Variants in ELOC observed in about 807,000 individuals in gnomAD.
The protein encoded by ELOC is elongin C.
For synonymous variants in ELOC, 40 were observed against 51.3 expected (o/e 0.78, Z 0.94); for missense variants, 38 against 139.0 (o/e 0.27, Z 3.65).
chr8:73,966,461 T>C (rs12547746), intron 1 of ELOC, among the ~76,000 whole-genome samples: 86,396 of 150,768 alleles, frequency 0.57, 26,211 homozygotes, highest in African/African-American at 0.79. Flanking sequence ...AAGGAACACA[T>C]ACTGAGATAC....
At chr8:73,971,580 C>T (rs1401727953) in intron 1 of ELOC, among the ~76,000 whole-genome samples, 1 of 151,858 alleles carries the variant, frequency 6.6e-6, no homozygotes, top group Admixed American at 6.6e-5. Context: ...CAAGACTGGA[C>T]GGCCAGTAGA....
rs577561082 is a variant in ELOC at position 73,966,480 on chromosome 8, C to A, written c.-51+5597G>T. The stretch of plus-strand genomic sequence containing the variant: ...AACACATACTGAGATACTGACCAAG[C>A]CATGGGTCTTTTTTTTTTTTTTTGA... On this transcript the variant is annotated intron_variant, in intron 1 of 3. Coordinates refer to ENST00000520242, the MANE Select transcript of ELOC (RefSeq NM_005648.4). Among the ~76,000 whole-genome samples the A allele has an allele frequency of 6.7e-5, 9 of 134,448 alleles. No individual in the cohort carries two copies. The East Asian group carries it at 1.6e-3, about 24-fold the overall frequency. The allele number at this position is 134,448 out of a possible 152,430, so 88.2% of individuals were successfully genotyped here.
chr8:73,958,627 A>T (rs193291848), intron 2 of ELOC, among the ~76,000 whole-genome samples: 51 of 152,338 alleles, frequency 3.3e-4, no homozygotes, highest in Admixed American at 1.2e-3. Context: ...TGCCAACCTC[A>T]AAAAAGAAAA....
At chr8:73,971,582 G>A (rs1815406380) in intron 1 of ELOC, among the ~76,000 whole-genome samples, 1 of 151,896 alleles carries the variant, frequency 6.6e-6, no homozygotes, top group Admixed American at 6.6e-5. Flanking sequence ...AGACTGGACG[G>A]CCAGTAGATG....
chr8:73,964,246 C>CAA (rs560289242), intron 1 of ELOC, among the ~76,000 whole-genome samples: 4,262 of 81,916 alleles, frequency 0.052, 199 homozygotes, highest in Admixed American at 0.15. Flanking sequence ...TATAAATGGC[C>CAA]AAAAAAAAAA....
At chr8:73,951,764 C>T (rs1303194876) in intron 3 of ELOC, among the ~76,000 whole-genome samples, 1 of 152,122 alleles carries the variant, frequency 6.6e-6, no homozygotes, top group Non-Finnish European at 1.5e-5. Context: ...AGTTGGAGGC[C>T]TCATACTTTC....
intron 3 of ELOC, among the ~76,000 whole-genome samples, chr8:73,948,712 G>A (rs778491413): frequency 4.3e-4 from 65 of 152,328 alleles, no homozygotes; most frequent in Non-Finnish European, 7.9e-4. Flanking sequence ...AGACCTACTT[G>A]TAGTCTCAGC....
intron 1 of ELOC, among the ~76,000 whole-genome samples, chr8:73,964,210 T>C (rs1345068423): frequency 7.2e-6 from 1 of 138,148 alleles, no homozygotes; most frequent in Non-Finnish European, 1.5e-5. Context: ...TATATTTTGG[T>C]GGGCTACAGT....
intron 3 of ELOC, 125 bp downstream of exon 3, chr8:73,955,786 C>T: frequency 1.7e-6 from 2 of 1,148,484 alleles, no homozygotes; most frequent in Non-Finnish European, 2.5e-6. Flanking sequence ...AGAACAAAAA[C>T]ATAATCATAC....
At position 73,945,829 on chromosome 8, in the gene ELOC, A is replaced by C. The variant is rs1813347475; in HGVS notation, c.*801T>G. The C allele has an allele frequency of 6.6e-6, 1 of 152,232 alleles. No homozygotes were observed. The highest frequency in any genetic ancestry group is 1.9e-4 in the East Asian group (1 of 5,204). 9.4% of individuals were successfully genotyped at this position (152,232 alleles called of 1,614,324 possible). A position where few individuals can be genotyped will look rare whatever the true frequency, so the allele number is the denominator to read the frequency against. On this transcript the variant is annotated 3_prime_UTR_variant, in exon 4 of 4. Transcript: ENST00000520242. The stretch of plus-strand genomic sequence containing the variant: ...ATAAAGTTAATAGTGAGTCTTTTAA[A>C]ATACATTTAAACAACTGGAAGTATA...
At chr8:73,957,614 CA>C (rs1449593045) in intron 2 of ELOC, among the ~76,000 whole-genome samples, 2 of 152,002 alleles carry the variant, frequency 1.3e-5, no homozygotes, top group African/African-American at 2.4e-5. Context: ...CTCCCACTGC[CA>C]AAAATGTTTA....
intron 1 of ELOC, among the ~76,000 whole-genome samples, chr8:73,964,049 C>T (rs541525365): frequency 2.9e-5 from 4 of 138,348 alleles, no homozygotes; most frequent in Non-Finnish European, 4.6e-5. Context: ...GCCAAGACTG[C>T]GCCACTGCAC....
chr8:73,947,328 T>C (rs72661841), intron 3 of ELOC, among the ~76,000 whole-genome samples: 46,365 of 151,720 alleles, frequency 0.31, 7,351 homozygotes, highest in Admixed American at 0.39. Flanking sequence ...GAGATGGGCA[T>C]AGAGGGAAAA....
intron 3 of ELOC, among the ~76,000 whole-genome samples, chr8:73,949,262 T>C (rs1813595915): frequency 6.6e-6 from 1 of 152,182 alleles, no homozygotes; most frequent in Non-Finnish European, 1.5e-5. Context: ...ACTCAGCAAA[T>C]AATTCACAAC....
chr8:73,967,235 C>T (rs559333030), intron 1 of ELOC, among the ~76,000 whole-genome samples: 2 of 152,206 alleles, frequency 1.3e-5, no homozygotes, highest in Non-Finnish European at 2.9e-5. Context: ...ACAACCTCTC[C>T]TCCACCCGTA....
chr8:73,962,577 A>AC (rs573535572), intron 1 of ELOC, among the ~76,000 whole-genome samples: 1 of 51,388 alleles, frequency 1.9e-5, no homozygotes, highest in Non-Finnish European at 6.1e-5. Context: ...AAACAAAACA[A>AC]AAAAAAAAAC....
In ELOC at chr8:73,945,502, C is replaced by G. The variant is rs1008815596; in HGVS notation, c.*1128G>C. On this transcript the variant is annotated 3_prime_UTR_variant, in exon 4 of 4. Coordinates refer to ENST00000520242, the MANE Select transcript of ELOC (RefSeq NM_005648.4). ...CTTTGTTCCACCTCTGAGATAAAGA[C>G]AATACTAAACCCATCTCCAGTGCTT... is the stretch of plus-strand genomic sequence containing the variant. The G allele has an allele frequency of 6.6e-6, 1 of 152,152 alleles. No individual in the cohort carries two copies. Among genetic ancestry groups the G allele is most frequent in the Non-Finnish European group, 1.5e-5 (1 of 68,032 alleles). The allele number at this position is 152,152 out of a possible 1,614,324, so 9.4% of individuals were successfully genotyped here. A position where few individuals can be genotyped will look rare whatever the true frequency, so the allele number is the denominator to read the frequency against.
chr8:73,956,064 AG>A lies in ELOC; in HGVS notation c.5-11del. 6.2e-7 allele frequency: 1 copy of A among 1,607,836 alleles called. No individual in the cohort carries two copies. Among genetic ancestry groups the A allele is most frequent in the Non-Finnish European group, 8.5e-7 (1 of 1,175,594 alleles). The stretch of plus-strand genomic sequence containing the variant: ...GTTTTCTCCTCTCCATCTAAAGTAA[AG>A]TAAGTAGTGAAACAATTTTTGAGTC... On this transcript the variant is annotated splice_polypyrimidine_tract_variant and intron_variant, in intron 2 of 3. Transcript: ENST00000520242.
At chr8:73,958,833 C>T (rs901804157) in intron 2 of ELOC, among the ~76,000 whole-genome samples, 6 of 152,056 alleles carry the variant, frequency 3.9e-5, no homozygotes, top group African/African-American at 1.4e-4. Flanking sequence ...ATGGAGATAC[C>T]TTCCAAGACA....
Sources: allele counts gnomAD v4.1 joint callset (sites outside exome capture counted in the v4.1 genomes callset), GRCh38; gene constraint gnomAD v4.1.1; transcripts MANE v1.5; gene names NCBI Gene and HGNC (gene_info 2026-07-23, HGNC 2026-07-21).